Variants in IL1RAPL2 observed in about 807,000 individuals in gnomAD.
The protein encoded by IL1RAPL2 is interleukin 1 receptor accessory protein like 2, also known as X-linked interleukin-1 receptor accessory protein-like 2.
Under a neutral mutation model 44.1 loss-of-function variants are expected in IL1RAPL2, and 3 were observed. The ratio of observed to expected loss-of-function variants is 0.07; its 90% CI spans 0.03 to 0.18. The LOEUF (loss-of-function observed/expected upper bound fraction) is 0.18. IL1RAPL2 is among the 10% of genes least tolerant of loss of function. IL1RAPL2 has a pLI of 1.00. For missense variants in IL1RAPL2, 391 were observed against 496.4 expected (o/e 0.79, Z 2.02); for synonymous variants, 181 against 178.8 (o/e 1.01, Z -0.10).
chrX:105,639,435 C>T (rs2037548554), intron 6 of IL1RAPL2, among the ~76,000 whole-genome samples: 1 of 110,790 alleles, frequency 9.0e-6, no homozygotes, highest in South Asian at 3.9e-4. Context: ...ATCGGTGCAG[C>T]ATTCAGAATG....
At chrX:104,667,761 G>A (rs913297305) in intron 2 of IL1RAPL2, among the ~76,000 whole-genome samples, 12 of 111,467 alleles carry the variant, frequency 1.1e-4, no homozygotes, top group African/African-American at 3.9e-4. Context: ...GAAAATTTAG[G>A]TTTCAGATGA....
At chrX:105,565,060 A>AT (rs1474099203) in intron 6 of IL1RAPL2, among the ~76,000 whole-genome samples, 12 of 111,708 alleles carry the variant, frequency 1.1e-4, no homozygotes, top group East Asian at 2.8e-4. Context: ...TTAAACCTCC[A>AT]TTTTTTTCAG....
intron 5 of IL1RAPL2, among the ~76,000 whole-genome samples, chrX:105,412,331 T>C (rs866892114): frequency 1.5e-5 from 1 of 66,692 alleles, no homozygotes; most frequent in African/African-American, 4.1e-5. Flanking sequence ...TATATATATA[T>C]ATATATATAC....
chrX:105,251,054 G>A (rs1006912448), intron 4 of IL1RAPL2, among the ~76,000 whole-genome samples: 10 of 110,778 alleles, frequency 9.0e-5, no homozygotes, highest in African/African-American at 2.9e-4. Flanking sequence ...TCTGACTCTT[G>A]TACCCTGTTT....
chrX:105,373,930 C>T, intron 5 of IL1RAPL2, among the ~76,000 whole-genome samples: 1 of 108,969 alleles, frequency 9.2e-6, no homozygotes, highest in Non-Finnish European at 1.9e-5. Context: ...ACCAGCCTGG[C>T]CATCCTGGTG....
At chrX:104,889,779 T>C (rs1923365162) in intron 2 of IL1RAPL2, among the ~76,000 whole-genome samples, 2 of 103,413 alleles carry the variant, frequency 1.9e-5, no homozygotes, top group African/African-American at 6.8e-5. Flanking sequence ...ATGAAATCTA[T>C]CTTTATTTTA....
Position 104,730,129 on chromosome X carries a change from TATATA to T in IL1RAPL2, c.82+71136_82+71140del, listed in dbSNP as rs777572605. ...ATATTTTAAACAAGTTAGTCTCAAA[TATATA>T]AAGCAATATTTGAAAGAAATACTAG... On this transcript the variant is annotated intron_variant, in intron 2 of 10. Transcript: ENST00000372582. 3.6e-5 allele frequency among the ~76,000 whole-genome samples: 4 copies of T among 111,405 alleles called. No homozygotes were observed. The Admixed American group carries it at 3.8e-4, about 11-fold the overall frequency.
intron 2 of IL1RAPL2, among the ~76,000 whole-genome samples, chrX:105,111,567 T>C (rs1335886212): frequency 8.9e-6 from 1 of 112,071 alleles, no homozygotes; most frequent in Admixed American, 9.5e-5. Flanking sequence ...AGTCATGTAG[T>C]ATTGACCATT....
At chrX:105,396,722 A>G (rs186898264) in intron 5 of IL1RAPL2, among the ~76,000 whole-genome samples, 76 of 108,278 alleles carry the variant, frequency 7.0e-4, no homozygotes, top group Non-Finnish European at 1.4e-3. Context: ...GTTAAAGAGT[A>G]AGGGAGAGAA....
chrX:105,668,275 A>G (rs2037788070), intron 6 of IL1RAPL2, among the ~76,000 whole-genome samples: 1 of 112,577 alleles, frequency 8.9e-6, no homozygotes, highest in South Asian at 3.7e-4. Context: ...CCAAACTCTC[A>G]TACCAGTCAT....
chrX:104,805,175 C>T (rs1033502126), intron 2 of IL1RAPL2, among the ~76,000 whole-genome samples: 1 of 111,609 alleles, frequency 9.0e-6, no homozygotes, highest in Non-Finnish European at 1.9e-5. Context: ...CATTACCTCT[C>T]ATAAGCCCAT....
intron 10 of IL1RAPL2, among the ~76,000 whole-genome samples, chrX:105,757,145 C>G (rs1343380477): frequency 8.9e-6 from 1 of 111,771 alleles, no homozygotes; most frequent in East Asian, 2.8e-4. Context: ...ACCACTTCCT[C>G]TACTCATACT....
chrX:105,296,274 A>C (rs1219641251), intron 5 of IL1RAPL2, among the ~76,000 whole-genome samples: 3 of 110,848 alleles, frequency 2.7e-5, no homozygotes, highest in Non-Finnish European at 1.9e-5. Flanking sequence ...GTTCATGCTA[A>C]TCCCCACTTA....
chrX:104,846,009 A>G (rs1379996704), intron 2 of IL1RAPL2, among the ~76,000 whole-genome samples: 1 of 111,266 alleles, frequency 9.0e-6, no homozygotes, highest in Non-Finnish European at 1.9e-5. Flanking sequence ...ATCTACCTAG[A>G]GTCCATTATT....
At chrX:105,553,909 A>G (rs1051486727) in intron 6 of IL1RAPL2, among the ~76,000 whole-genome samples, 2 of 112,767 alleles carry the variant, frequency 1.8e-5, no homozygotes, top group African/African-American at 6.4e-5. Context: ...TAACTCTGTA[A>G]TTGTACAGGT....
chrX:104,760,791 C>A (rs777752971), intron 2 of IL1RAPL2, among the ~76,000 whole-genome samples: 4 of 111,069 alleles, frequency 3.6e-5, no homozygotes, highest in African/African-American at 9.8e-5. Context: ...CAATGTGATC[C>A]CATTTGTCCC....
intron 2 of IL1RAPL2, among the ~76,000 whole-genome samples, chrX:104,855,643 G>T: frequency 1.0e-5 from 1 of 100,305 alleles, no homozygotes; most frequent in Non-Finnish European, 2.0e-5. Flanking sequence ...ATGGTACCTT[G>T]AGTAAAAGTT....
chrX:105,388,517 G>T (rs919118192), intron 5 of IL1RAPL2, among the ~76,000 whole-genome samples: 1 of 109,568 alleles, frequency 9.1e-6, no homozygotes, highest in African/African-American at 3.3e-5. Context: ...ATAATTTACA[G>T]CTTAACCTCT....
At chrX:104,629,098 G>C (rs983050167) in intron 1 of IL1RAPL2, among the ~76,000 whole-genome samples, 1 of 112,163 alleles carries the variant, frequency 8.9e-6, no homozygotes, top group African/African-American at 3.2e-5. Flanking sequence ...GTGTATATCT[G>C]TATGGAAATC....
Sources: gnomAD v4.1 joint callset for allele counts (sites outside exome capture counted in the v4.1 genomes callset) on GRCh38, gnomAD v4.1.1 for gene constraint, MANE v1.5 for transcripts, NCBI Gene and HGNC (gene_info 2026-07-23, HGNC 2026-07-21) for gene names.